NTRK2: variants seen among roughly 807,000 people sequenced by gnomAD.
NTRK2 encodes the protein BDNF/NT-3 growth factors receptor.
NTRK2 carries 13 observed loss-of-function variants against 94.5 expected under a neutral mutation model. The ratio of observed to expected loss-of-function variants is 0.14; its 90% CI spans 0.09 to 0.22. The LOEUF is 0.22. Ranked by LOEUF, NTRK2 falls within the 10% of genes least tolerant of loss-of-function variation. The probability of loss-of-function intolerance (pLI) is 1.00; values close to 1 mark genes in which losing one functional copy is unlikely to be tolerated. For missense variants in NTRK2, 639 were observed against 1,071.2 expected (o/e 0.60, Z 5.63); for synonymous variants, 372 against 407.4 (o/e 0.91, Z 1.05).
intron 12 of NTRK2, among the ~76,000 whole-genome samples, chr9:84,829,497 G>T (rs925016130): frequency 3.3e-5 from 5 of 152,150 alleles, no homozygotes; most frequent in Non-Finnish European, 7.4e-5. Flanking sequence ...GCTTAGAATG[G>T]CTTTGTTTCT....
rs1005954396 is a variant in NTRK2, at chr9:84,815,054, A to G, written c.1397-45986A>G. 1.1e-5 allele frequency: 12 copies of G among 1,058,740 alleles called. No homozygotes were observed. In the African/African-American group the frequency reaches 1.3e-4, roughly 12 times the overall value. The allele number at this position is 1,058,740 out of a possible 1,614,324, so 65.6% of individuals were successfully genotyped here. A position where few individuals can be genotyped will look rare whatever the true frequency, so the allele number is the denominator to read the frequency against. On this transcript the variant is annotated intron_variant, in intron 12 of 18. Coordinates refer to ENST00000277120, the MANE Select transcript of NTRK2 (RefSeq NM_006180.6). ...TGCTGCCAGACTGAATTTGGCTGAC[A>G]GAACTCCCAGCCCAGGAAAGTTCCA... is the stretch of plus-strand genomic sequence containing the variant.
At chr9:84,981,174 G>A (rs189122715) in intron 17 of NTRK2, among the ~76,000 whole-genome samples, 9 of 152,266 alleles carry the variant, frequency 5.9e-5, no homozygotes, top group East Asian at 1.9e-4. Context: ...TCCGCCTCCT[G>A]GGTTCAAGCG....
In NTRK2 at chr9:84,675,324, C is replaced by CTTTTTTTTTTTTTTTTTT. The variant is rs536445167; in HGVS notation, c.212+4374_212+4391dup. The stretch of plus-strand genomic sequence containing the variant: ...CTCTTCTCCTTTCTTTCTTTCTTTC[C>CTTTTTTTTTTTTTTTTTT]TTTTTTTTTTTTTTTTTTTTTTTTT... On this transcript the variant is annotated intron_variant, in intron 2 of 18. Transcript: ENST00000277120. Among the ~76,000 whole-genome samples the CTTTTTTTTTTTTTTTTTT allele has an allele frequency of 2.1e-3, 139 of 67,324 alleles. 10 individuals are homozygous for CTTTTTTTTTTTTTTTTTT. The highest frequency in any genetic ancestry group is 2.5e-3 in the Non-Finnish European group (96 of 38,388). The allele number at this position is 67,324 out of a possible 152,430, so 44.2% of individuals were successfully genotyped here.
At chr9:84,785,278 T>C (rs1226240196) in intron 12 of NTRK2, among the ~76,000 whole-genome samples, 1 of 152,198 alleles carries the variant, frequency 6.6e-6, no homozygotes, top group African/African-American at 2.4e-5. Flanking sequence ...AAACCAAAAC[T>C]TGCGTCATAG....
At chr9:84,992,399 G>A (rs80240855) in intron 17 of NTRK2, among the ~76,000 whole-genome samples, 114 of 152,112 alleles carry the variant, frequency 7.5e-4, no homozygotes, top group Admixed American at 2.5e-3. Flanking sequence ...GGATGTTCTC[G>A]GGGGCTACTC....
At chr9:84,862,747 G>A (rs1371321676) in intron 13 of NTRK2, among the ~76,000 whole-genome samples, 9 of 152,204 alleles carry the variant, frequency 5.9e-5, no homozygotes, top group Non-Finnish European at 1.2e-4. Context: ...CCATTAAAAG[G>A]CAGAGGAGGG....
intron 14 of NTRK2, among the ~76,000 whole-genome samples, chr9:84,881,301 T>C (rs2076246976): frequency 6.6e-6 from 1 of 152,010 alleles, no homozygotes; most frequent in South Asian, 2.1e-4. Context: ...ACAACAAGGG[T>C]AGGAATGAAA....
intron 17 of NTRK2, among the ~76,000 whole-genome samples, chr9:84,992,001 A>C (rs1413863779): frequency 6.6e-6 from 1 of 152,072 alleles, no homozygotes; most frequent in Non-Finnish European, 1.5e-5. Flanking sequence ...GCCTCCCTCC[A>C]TTTTGAAAAC....
At chr9:84,949,835 T>C (rs746703922) in intron 16 of NTRK2, among the ~76,000 whole-genome samples, 4 of 152,204 alleles carry the variant, frequency 2.6e-5, no homozygotes, top group Admixed American at 6.5e-5. Flanking sequence ...TACAGGGAAC[T>C]GGGAGGAACC....
At chr9:84,849,815 C>T (rs1293964787) in intron 12 of NTRK2, among the ~76,000 whole-genome samples, 1 of 152,160 alleles carries the variant, frequency 6.6e-6, no homozygotes, top group African/African-American at 2.4e-5. Flanking sequence ...TCAGTCTCTA[C>T]TATTTTGTGG....
intron 12 of NTRK2, among the ~76,000 whole-genome samples, chr9:84,818,603 C>T (rs76842196): frequency 0.057 from 8,678 of 152,274 alleles, 338 homozygotes; most frequent in East Asian, 0.17. Context: ...TGTAATTCAG[C>T]GCTAATTAGT....
chr9:84,781,078 A>G (rs2067518800), intron 12 of NTRK2, among the ~76,000 whole-genome samples: 1 of 152,156 alleles, frequency 6.6e-6, no homozygotes, highest in African/African-American at 2.4e-5. Flanking sequence ...CAGTCTTTGT[A>G]TGTTCCATTG....
intron 14 of NTRK2, among the ~76,000 whole-genome samples, chr9:84,929,606 G>A (rs2077951275): frequency 6.6e-6 from 1 of 151,376 alleles, no homozygotes; most frequent in South Asian, 2.1e-4. Context: ...CTGTTGCCCA[G>A]GCTGGAGTGC....
intron 14 of NTRK2, among the ~76,000 whole-genome samples, chr9:84,889,286 G>A (rs931751281): frequency 1.1e-4 from 16 of 150,476 alleles, no homozygotes; most frequent in African/African-American, 2.9e-4. Context: ...CACCGCGCCC[G>A]GCCCAATGAC....
chr9:84,706,521 G>T (rs796165624), intron 4 of NTRK2, among the ~76,000 whole-genome samples: 3,513 of 95,074 alleles, frequency 0.037, 141 homozygotes, highest in East Asian at 0.094. Flanking sequence ...GTTATTTTTT[G>T]TTTTTGTTTT....
Position 84,783,193 on chromosome 9 carries a change from C to G in NTRK2, c.1396+31108C>G, listed in dbSNP as rs147371701. The stretch of plus-strand genomic sequence containing the variant: ...TATTTAGAAGAACTGTGAAGGGTGA[C>G]CTGTGAAGGGACATTTTGTGTGTCT... On this transcript the variant is annotated intron_variant, in intron 12 of 18. Coordinates refer to ENST00000277120, the MANE Select transcript of NTRK2 (RefSeq NM_006180.6). Among the ~76,000 whole-genome samples the G allele has an allele frequency of 9.2e-5, 14 of 152,260 alleles. No homozygotes were observed. The East Asian group carries it at 2.5e-3, about 27-fold the overall frequency.
intron 12 of NTRK2, among the ~76,000 whole-genome samples, chr9:84,825,791 G>T (rs1442075144): frequency 6.6e-6 from 1 of 152,166 alleles, no homozygotes; most frequent in Non-Finnish European, 1.5e-5. Context: ...AGGAGCTTGG[G>T]TCTGCTGTTG....
At chr9:85,003,639 G>A (rs892854910) in intron 17 of NTRK2, among the ~76,000 whole-genome samples, 3 of 152,118 alleles carry the variant, frequency 2.0e-5, no homozygotes, top group Non-Finnish European at 2.9e-5. Context: ...CTGATGAATT[G>A]TAAGCAGGGG....
At chr9:84,850,917 AG>A (rs2074734671) in intron 12 of NTRK2, among the ~76,000 whole-genome samples, 1 of 152,228 alleles carries the variant, frequency 6.6e-6, no homozygotes, top group South Asian at 2.1e-4. Context: ...AAACTGCTGT[AG>A]TGACCATGAG....
Sources: gnomAD v4.1 joint callset for allele counts (sites outside exome capture counted in the v4.1 genomes callset) on GRCh38, gnomAD v4.1.1 for gene constraint, MANE v1.5 for transcripts, NCBI Gene and HGNC (gene_info 2026-07-23, HGNC 2026-07-21) for gene names.